ARHGAP32: variants seen among roughly 807,000 people sequenced by gnomAD.
ARHGAP32 encodes the protein Rho GTPase activating protein 32.
ARHGAP32 carries 51 observed loss-of-function variants against 186.5 expected under a neutral mutation model. That is an observed-to-expected ratio of 0.27 (90% confidence interval 0.22 to 0.35). ARHGAP32 has a LOEUF of 0.35. Among genes scored for constraint, ARHGAP32 ranks in the 10% least tolerant of loss-of-function variants. The pLI is 1.00. For missense variants in ARHGAP32, 2,186 were observed against 2,623.5 expected (o/e 0.83, Z 3.64); for synonymous variants, 950 against 964.3 (o/e 0.99, Z 0.27).
At chr11:129,144,455 A>G (rs1354107294) in intron 2 of ARHGAP32, among the ~76,000 whole-genome samples, 3 of 152,182 alleles carry the variant, frequency 2.0e-5, no homozygotes, top group Non-Finnish European at 4.4e-5. Context: ...CTTCACATAT[A>G]AGAAAACTCA....
chr11:129,017,492 A>G (rs558259044), intron 11 of ARHGAP32, among the ~76,000 whole-genome samples: 13 of 152,016 alleles, frequency 8.6e-5, no homozygotes, highest in African/African-American at 2.4e-4. Flanking sequence ...TAAAATAATA[A>G]CTACTGAACA....
At position 128,972,847 on chromosome 11, in the gene ARHGAP32, C is replaced by T. The variant is rs139276969; in HGVS notation, c.3659G>A (p.Arg1220His). Residue 1220 changes from arginine to histidine, a missense_variant, in exon 22 of 23, where the codon CGT becomes CAT. Physicochemically the swap from Arg to His is conservative, Grantham distance 29. Transcript: ENST00000682385. ...SFLDQDQSPPRFYSGDQPPSY... is the reference protein window; with the variant it reads ...SFLDQDQSPPHFYSGDQPPSY... ...AGGAGGCTGATCTCCACTGTAGAAACGGGGTGGAGACTGGTCCTGATCCAA... is the reference window on the plus strand; with the variant it reads ...AGGAGGCTGATCTCCACTGTAGAAATGGGGTGGAGACTGGTCCTGATCCAA... 1,718 of 1,613,896 alleles carry T rather than the reference C, an allele frequency of 1.1e-3. 7 individuals carry two copies. The highest frequency in any genetic ancestry group is 1.2e-3 in the Non-Finnish European group (1,449 of 1,180,006).
At chr11:129,006,706 A>G (rs1356573387) in intron 11 of ARHGAP32, among the ~76,000 whole-genome samples, 1 of 152,162 alleles carries the variant, frequency 6.6e-6, no homozygotes, top group African/African-American at 2.4e-5. Flanking sequence ...GGTCTTGCCC[A>G]AAGCCCACTG....
At chr11:129,125,762 TCA>T (rs1222750659) in intron 2 of ARHGAP32, 2 of 278,254 alleles carry the variant, frequency 7.2e-6, no homozygotes, top group African/African-American at 2.2e-5. Flanking sequence ...TGTTACATCA[TCA>T]CAGTGTGCTG....
intron 5 of ARHGAP32, among the ~76,000 whole-genome samples, chr11:129,118,309 T>C (rs1942428998): frequency 6.6e-6 from 1 of 151,908 alleles, no homozygotes; most frequent in South Asian, 2.1e-4. Context: ...TACGCATTAT[T>C]CTCAACTCTT....
chr11:129,222,787 A>T (rs935152002), intron 1 of ARHGAP32, among the ~76,000 whole-genome samples: 1 of 152,188 alleles, frequency 6.6e-6, no homozygotes, highest in African/African-American at 2.4e-5. Context: ...TCTTGTTTGC[A>T]AACTTTTAAT....
chr11:129,212,105 T>C (rs1944588529), intron 1 of ARHGAP32, among the ~76,000 whole-genome samples: 1 of 152,076 alleles, frequency 6.6e-6, no homozygotes, highest in South Asian at 2.1e-4. Context: ...AAGTGAGCTA[T>C]GATCACACCA....
chr11:129,132,170 G>C (rs1942826109), intron 2 of ARHGAP32, among the ~76,000 whole-genome samples: 1 of 152,182 alleles, frequency 6.6e-6, no homozygotes, highest in African/African-American at 2.4e-5. Flanking sequence ...CAGAGAATGT[G>C]GGCAAAGTCC....
rs993352435 is a variant in ARHGAP32, at chr11:129,054,774, T to C, written c.963+7506A>G. Among the ~76,000 whole-genome samples, 130 of 152,350 alleles carry C rather than the reference T, an allele frequency of 8.5e-4. 1 individual carries two copies. Among genetic ancestry groups the C allele is most frequent in the African/African-American group, 3.0e-3 (125 of 41,596 alleles). On this transcript the variant is annotated intron_variant, in intron 10 of 22. Transcript: ENST00000682385. ...CAGACAACAAAGATGAGAGATTCAATATACTCCTTAGGTGACAAATAAAAA... is the reference window on the plus strand; with the variant it reads ...CAGACAACAAAGATGAGAGATTCAACATACTCCTTAGGTGACAAATAAAAA...
intron 11 of ARHGAP32, among the ~76,000 whole-genome samples, chr11:129,034,917 T>G (rs554054227): frequency 1.3e-5 from 2 of 148,876 alleles, no homozygotes; most frequent in Non-Finnish European, 3.0e-5. Flanking sequence ...GTAACTGATA[T>G]GTAAAGGAGA....
At chr11:128,973,921 G>T in intron 21 of ARHGAP32, 1 of 602,428 alleles carries the variant, frequency 1.7e-6, no homozygotes, top group Non-Finnish European at 2.8e-6. Context: ...GTGAAGATTT[G>T]AAGCAGGACC....
intron 11 of ARHGAP32, among the ~76,000 whole-genome samples, chr11:129,031,879 C>G (rs1184129091): frequency 3.9e-5 from 6 of 152,170 alleles, no homozygotes; most frequent in African/African-American, 1.4e-4. Context: ...ATAAGAGAAG[C>G]AGCCGGACGT....
chr11:129,130,189 T>C (rs1942777620), intron 2 of ARHGAP32, among the ~76,000 whole-genome samples: 1 of 152,120 alleles, frequency 6.6e-6, no homozygotes, highest in Non-Finnish European at 1.5e-5. Context: ...CCCACACGTA[T>C]ACGATAAAAG....
chr11:129,187,694 TTAAAAA>T (rs1321781084), intron 1 of ARHGAP32, among the ~76,000 whole-genome samples: 1 of 152,120 alleles, frequency 6.6e-6, no homozygotes, highest in Non-Finnish European at 1.5e-5. Flanking sequence ...CCCCCTAAAA[TTAAAAA>T]TAATTTTTTA....
chr11:129,183,305 C>G (rs1344405637), intron 1 of ARHGAP32, among the ~76,000 whole-genome samples: 1 of 151,920 alleles, frequency 6.6e-6, no homozygotes, highest in Non-Finnish European at 1.5e-5. Context: ...TTTTCTTTTT[C>G]CTACAAAGTT....
At chr11:129,076,981 A>T (rs1321918337) in intron 6 of ARHGAP32, among the ~76,000 whole-genome samples, 1 of 152,202 alleles carries the variant, frequency 6.6e-6, no homozygotes, top group African/African-American at 2.4e-5. Flanking sequence ...ACTCATCCTC[A>T]CTGGGGAACC....
At position 128,968,815 on chromosome 11, in the gene ARHGAP32, T is replaced by C. The variant is rs1326787848; in HGVS notation, c.*92A>G. The stretch of plus-strand genomic sequence containing the variant: ...TTTTTAAATGTGGTCAGGGGTTTTA[T>C]AGTATTTTTTGTTTAATCTTTTTGG... On this transcript the variant is annotated 3_prime_UTR_variant, in exon 23 of 23. Transcript: ENST00000682385. 2 of 1,034,358 alleles carry C rather than the reference T, an allele frequency of 1.9e-6. No individual in the cohort carries two copies. The highest frequency in any genetic ancestry group is 2.6e-6 in the Non-Finnish European group (2 of 777,580). 64.1% of individuals were successfully genotyped at this position (1,034,358 alleles called of 1,614,324 possible). A position where few individuals can be genotyped will look rare whatever the true frequency, so the allele number is the denominator to read the frequency against.
At chr11:129,151,873 C>G (rs1943295453) in intron 2 of ARHGAP32, among the ~76,000 whole-genome samples, 1 of 151,926 alleles carries the variant, frequency 6.6e-6, no homozygotes, top group Admixed American at 6.6e-5. Flanking sequence ...CATATCAGAG[C>G]TGAACTAAAT....
intron 10 of ARHGAP32, among the ~76,000 whole-genome samples, chr11:129,059,628 C>T (rs910106744): frequency 1.3e-5 from 2 of 150,868 alleles, no homozygotes; most frequent in African/African-American, 2.4e-5. Context: ...GCCTCCCAAG[C>T]AGCTGGGATT....
Sources: gnomAD v4.1 joint callset for allele counts (sites outside exome capture counted in the v4.1 genomes callset) on GRCh38, gnomAD v4.1.1 for gene constraint, MANE v1.5 for transcripts, NCBI Gene and HGNC (gene_info 2026-07-23, HGNC 2026-07-21) for gene names.